NRG3: variants seen among roughly 807,000 people sequenced by gnomAD.
NRG3 encodes pro-neuregulin-3, membrane-bound isoform.
NRG3 carries 31 observed loss-of-function variants against 66.9 expected under a neutral mutation model. That is an observed-to-expected ratio of 0.46 (90% CI 0.35 to 0.63). The LOEUF (loss-of-function observed/expected upper bound fraction) is 0.63. NRG3 is among the 20% of genes least tolerant of loss of function. The pLI, the probability that NRG3 is intolerant of heterozygous loss-of-function variation, is 0.00. For missense variants in NRG3, 910 were observed against 878.9 expected (o/e 1.04, Z -0.45); for synonymous variants, 393 against 359.4 (o/e 1.09, Z -1.06).
At chr10:82,524,582 TA>T (rs1176580875) in intron 2 of NRG3, among the ~76,000 whole-genome samples, 1 of 151,892 alleles carries the variant, frequency 6.6e-6, no homozygotes, top group African/African-American at 2.4e-5. Flanking sequence ...AATTCTCTGT[TA>T]GATATATATA....
intron 1 of NRG3, among the ~76,000 whole-genome samples, chr10:82,336,109 T>C (rs2082372355): frequency 6.6e-6 from 1 of 152,168 alleles, no homozygotes; most frequent in African/African-American, 2.4e-5. Flanking sequence ...GGGACCATAG[T>C]ATACTGAACA....
At chr10:82,103,018 G>C (rs1036441402) in intron 1 of NRG3, among the ~76,000 whole-genome samples, 3 of 151,966 alleles carry the variant, frequency 2.0e-5, no homozygotes, top group Non-Finnish European at 4.4e-5. Context: ...ATTTCTTTCA[G>C]AACATATTTA....
At chr10:81,907,558 G>C (rs1844715882) in intron 1 of NRG3, among the ~76,000 whole-genome samples, 2 of 152,066 alleles carry the variant, frequency 1.3e-5, no homozygotes, top group Admixed American at 1.3e-4. Context: ...TTATGACACT[G>C]ACTTGGTAAA....
intron 3 of NRG3, among the ~76,000 whole-genome samples, chr10:82,848,648 G>A (rs1241603255): frequency 6.6e-6 from 1 of 152,114 alleles, no homozygotes; most frequent in Non-Finnish European, 1.5e-5. Context: ...AAGGGTGGTA[G>A]GCAGAATGAT....
At chr10:82,869,320 T>C (rs932171499) in intron 4 of NRG3, among the ~76,000 whole-genome samples, 1 of 152,104 alleles carries the variant, frequency 6.6e-6, no homozygotes, top group Admixed American at 6.6e-5. Flanking sequence ...CTAATGAAGA[T>C]CTCCTACAAT....
At chr10:81,895,853 C>G (rs1311183080) in intron 1 of NRG3, among the ~76,000 whole-genome samples, 1 of 152,146 alleles carries the variant, frequency 6.6e-6, no homozygotes, top group African/African-American at 2.4e-5. Flanking sequence ...ATCAAACCAT[C>G]TTATAAACCA....
intron 1 of NRG3, among the ~76,000 whole-genome samples, chr10:81,942,619 A>G (rs976049775): frequency 9.2e-5 from 14 of 152,138 alleles, no homozygotes; most frequent in African/African-American, 3.4e-4. Flanking sequence ...AGATTTCTCA[A>G]GTTTCCCAAC....
At chr10:82,725,125 G>GT (rs1343464634) in intron 2 of NRG3, among the ~76,000 whole-genome samples, 1 of 152,172 alleles carries the variant, frequency 6.6e-6, no homozygotes, top group Non-Finnish European at 1.5e-5. Context: ...TCAATAGCAT[G>GT]TAAGAGTCTC....
intron 1 of NRG3, chr10:82,340,770 G>T (rs991492485): frequency 6.6e-6 from 1 of 152,058 alleles, no homozygotes; most frequent in Non-Finnish European, 1.5e-5. Flanking sequence ...ATGGGTGTTG[G>T]GTGCTTGCTT....
chr10:82,054,408 A>T (rs954811253), intron 1 of NRG3, among the ~76,000 whole-genome samples: 1 of 152,138 alleles, frequency 6.6e-6, no homozygotes, highest in Non-Finnish European at 1.5e-5. Context: ...TGACTCGAAG[A>T]CTTTGTGCAT....
At chr10:82,418,196 C>T (rs1317546415) in intron 2 of NRG3, among the ~76,000 whole-genome samples, 1 of 152,140 alleles carries the variant, frequency 6.6e-6, no homozygotes, top group Non-Finnish European at 1.5e-5. Context: ...AGGCAGTTCA[C>T]CTTCTCTCCA....
chr10:82,013,822 C>T (rs972432945), intron 1 of NRG3, among the ~76,000 whole-genome samples: 11 of 151,912 alleles, frequency 7.2e-5, no homozygotes, highest in African/African-American at 2.4e-4. Flanking sequence ...ATATTCAATT[C>T]CCTATTCCTC....
chr10:82,080,946 C>T (rs1349582246), intron 1 of NRG3, among the ~76,000 whole-genome samples: 1 of 152,176 alleles, frequency 6.6e-6, no homozygotes, highest in Non-Finnish European at 1.5e-5. Flanking sequence ...CTGTATTCTA[C>T]TTTCTGTCTC....
chr10:82,740,200 C>A (rs987623678), intron 3 of NRG3, among the ~76,000 whole-genome samples: 1 of 151,268 alleles, frequency 6.6e-6, no homozygotes, highest in African/African-American at 2.4e-5. Flanking sequence ...TTCCTCCCTT[C>A]CTCTCTTCCT....
At chr10:82,341,348 G>C (rs1448385450) in intron 1 of NRG3, among the ~76,000 whole-genome samples, 1 of 152,072 alleles carries the variant, frequency 6.6e-6, no homozygotes, top group Non-Finnish European at 1.5e-5. Context: ...TTTCTTTATG[G>C]AGTTGGGCTT....
intron 2 of NRG3, among the ~76,000 whole-genome samples, chr10:82,729,363 T>C (rs2057776780): frequency 6.6e-6 from 1 of 152,308 alleles, no homozygotes; most frequent in Non-Finnish European, 1.5e-5. Context: ...TTACCTCTGG[T>C]ATGATATTAA....
At chr10:81,918,606 T>C (rs1456774389) in intron 1 of NRG3, among the ~76,000 whole-genome samples, 1 of 152,218 alleles carries the variant, frequency 6.6e-6, no homozygotes, top group African/African-American at 2.4e-5. Flanking sequence ...AATTAATGCC[T>C]TATTTGCATG....
chr10:82,979,967 G>A (rs1227937480), intron 8 of NRG3, among the ~76,000 whole-genome samples: 1 of 152,142 alleles, frequency 6.6e-6, no homozygotes, highest in East Asian at 1.9e-4. Flanking sequence ...ACTTTGGGAG[G>A]CTGAGGCATG....
At chr10:82,751,566 G>A (rs2058863327) in intron 3 of NRG3, among the ~76,000 whole-genome samples, 1 of 152,140 alleles carries the variant, frequency 6.6e-6, no homozygotes, top group South Asian at 2.1e-4. Context: ...TCAGCTACAA[G>A]TAACATTTAT....
Sources: allele counts gnomAD v4.1 joint callset (sites outside exome capture counted in the v4.1 genomes callset), GRCh38; gene constraint gnomAD v4.1.1; transcripts MANE v1.5; gene names NCBI Gene and HGNC (gene_info 2026-07-23, HGNC 2026-07-21).